Variants in PIWIL3 observed in about 807,000 individuals in gnomAD.
PIWIL3 encodes the protein piwi-like protein 3.
Under a neutral mutation model 109.7 loss-of-function variants are expected in PIWIL3, and 101 were observed. The ratio of observed to expected loss-of-function variants is 0.92; its 90% CI spans 0.78 to 1.09. The LOEUF is 1.09. PIWIL3 is among the 50% of genes least tolerant of loss of function. The pLI is 0.00. For missense variants in PIWIL3, 1,031 were observed against 1,072.6 expected (o/e 0.96, Z 0.54); for synonymous variants, 373 against 376.4 (o/e 0.99, Z 0.10).
At chr22:24,749,101 T>C in intron 11 of PIWIL3, 80 bp from the exon 12 acceptor site, 1 of 1,120,216 alleles carries the variant, frequency 8.9e-7, no homozygotes. Flanking sequence ...AATTTCCTTC[T>C]ATTCCAAGGT....
At chr22:24,761,341 G>C (rs1306724356) in intron 2 of PIWIL3, among the ~76,000 whole-genome samples, 1 of 152,180 alleles carries the variant, frequency 6.6e-6, no homozygotes, top group Admixed American at 6.5e-5. Context: ...GGGGTGGTCA[G>C]TGATGAAGGA....
chr22:24,737,619 G>C lies in PIWIL3; in HGVS notation c.1450-1727C>G, dbSNP rs942280022. On this transcript the variant is annotated intron_variant, in intron 12 of 20. Transcript: ENST00000616349. ...CCTTAGGTGCCATCTCAGCCACAGT[G>C]GGGTAGAGCATCAAGCAGGCTTTTG... 5.3e-5 allele frequency among the ~76,000 whole-genome samples: 8 copies of C among 152,290 alleles called. No individual in the cohort carries two copies. In the South Asian group the frequency reaches 1.4e-3, roughly 28 times the overall value.
chr22:24,765,791 A>G (rs1925752330), intron 1 of PIWIL3, among the ~76,000 whole-genome samples: 1 of 151,928 alleles, frequency 6.6e-6, no homozygotes. Flanking sequence ...GTCCAAAAAA[A>G]AAAAGGAAAA....
Position 24,734,075 on chromosome 22 carries a change from G to C in PIWIL3, c.1707+9C>G, listed in dbSNP as rs1290851013. ...TAAAAGATTGTACATGTATCAACTA[G>C]ACACTTACCATCTGCAGTGTTGGTC... is the stretch of plus-strand genomic sequence containing the variant. On this transcript the variant is annotated intron_variant, in intron 14 of 20. Coordinates refer to ENST00000616349, the MANE Select transcript of PIWIL3 (RefSeq NM_001255975.1). The C allele has an allele frequency of 6.2e-7, 1 of 1,605,904 alleles. No homozygotes were observed.
chr22:24,748,876 C>G, intron 12 of PIWIL3, 31 bp downstream of exon 12: 2 of 1,550,924 alleles, frequency 1.3e-6, no homozygotes, highest in Non-Finnish European at 1.8e-6. Flanking sequence ...TTTGACCCCA[C>G]CATGACATGA....
chr22:24,758,064 T>G (rs552644512), intron 3 of PIWIL3, 25 bp from the exon 4 acceptor site: 1 of 1,589,550 alleles, frequency 6.3e-7, no homozygotes, highest in East Asian at 2.2e-5. Flanking sequence ...ACGCCAGAAG[T>G]TTAAACAATA....
rs368623731 is a variant in PIWIL3, at chr22:24,773,505, G to A, written c.-23+817C>T. On this transcript the variant is annotated intron_variant, in intron 1 of 20. Coordinates refer to ENST00000616349, the MANE Select transcript of PIWIL3 (RefSeq NM_001255975.1). ...AAAATGGAAGCCTCTGCCACCATCT[G>A]CATCATCCCCATCAACCACAGGAGC... 5.9e-5 allele frequency among the ~76,000 whole-genome samples: 9 copies of A among 152,180 alleles called. No homozygotes were observed. The East Asian group carries it at 1.5e-3, about 26-fold the overall frequency.
chr22:24,723,350 TTAAGAAGAACA>T, intron 18 of PIWIL3, 95 bp from the exon 19 acceptor site: 1 of 1,314,996 alleles, frequency 7.6e-7, no homozygotes, highest in Non-Finnish European at 1.1e-6. Context: ...TTAGGACCCA[TTAAGAAGAACA>T]GACAGCAGCC....
At chr22:24,736,601 A>G (rs947698186) in intron 12 of PIWIL3, among the ~76,000 whole-genome samples, 2 of 152,196 alleles carry the variant, frequency 1.3e-5, no homozygotes, top group African/African-American at 2.4e-5. Flanking sequence ...CTATTTGTAC[A>G]AAGGGAGCAC....
chr22:24,739,830 C>T (rs1405630161), intron 12 of PIWIL3, among the ~76,000 whole-genome samples: 1 of 152,012 alleles, frequency 6.6e-6, no homozygotes, highest in Non-Finnish European at 1.5e-5. Flanking sequence ...GCGGGAGGAT[C>T]ATGAGGTCAG....
At position 24,751,513 on chromosome 22, in the gene PIWIL3, C is replaced by T. The variant is rs370623610; in HGVS notation, c.978-15G>A. 1.1e-5 allele frequency: 18 copies of T among 1,605,030 alleles called. No individual in the cohort carries two copies. In the African/African-American group the frequency reaches 2.2e-4, roughly 19 times the overall value. On this transcript the variant is annotated splice_polypyrimidine_tract_variant and intron_variant, in intron 8 of 20. Transcript: ENST00000616349. ...TGTTGTTGTATCTGTGGAATAATTA[C>T]AATATGGTATTATTTGACTTATTCA...
intron 4 of PIWIL3, 145 bp from the exon 5 acceptor site, chr22:24,756,850 C>T (rs925711128): frequency 1.5e-5 from 10 of 672,132 alleles, no homozygotes; most frequent in Middle Eastern, 4.1e-4. Context: ...GAGGCCAAGG[C>T]GGGTGGATCA....
chr22:24,757,615 T>TACATACACACACACAC (rs1555913039), intron 4 of PIWIL3, among the ~76,000 whole-genome samples: 1 of 79,472 alleles, frequency 1.3e-5, no homozygotes, highest in African/African-American at 4.8e-5. Context: ...AAAATTTACA[T>TACATACACACACACAC]ACACACACAC....
chr22:24,734,333 G>C (rs965572360), intron 13 of PIWIL3, among the ~76,000 whole-genome samples, 177 bp from the exon 14 acceptor site: 3 of 152,182 alleles, frequency 2.0e-5, no homozygotes, highest in African/African-American at 7.2e-5. Flanking sequence ...CTACTTGTAA[G>C]GAGCTTTGAC....
chr22:24,773,739 C>G (rs1414247274), intron 1 of PIWIL3, among the ~76,000 whole-genome samples: 1 of 35,106 alleles, frequency 2.8e-5, no homozygotes, highest in Admixed American at 2.7e-4. Flanking sequence ...AGATGGGAGT[C>G]TCACTCACTC....
intron 16 of PIWIL3, 35 bp from the exon 17 acceptor site, chr22:24,725,550 G>A (rs1395519463): frequency 1.1e-5 from 17 of 1,606,710 alleles, no homozygotes; most frequent in Non-Finnish European, 1.4e-5. Flanking sequence ...TGGAAAACAA[G>A]ATTCTTAAAA....
chr22:24,744,415 CA>C (rs900716918), intron 12 of PIWIL3, among the ~76,000 whole-genome samples: 6 of 151,026 alleles, frequency 4.0e-5, no homozygotes, highest in African/African-American at 1.2e-4. Flanking sequence ...ACTAAAAATA[CA>C]AAAAAAATTA....
rs375135458 is a variant in PIWIL3, at chr22:24,748,930, T to G, written c.1426A>C (p.Asn476His). Reference sequence around the variant, plus strand: ...ACCATTCTTCTGCCTTGCACGATGTTTGCGTTTTTCAAAACTCTTCCCGGG... The same window carrying G: ...ACCATTCTTCTGCCTTGCACGATGTGTGCGTTTTTCAAAACTCTTCCCGGG... The part of the protein sequence containing the change: ...SVPGRVLKNA[N>H]IVQGRRMVKA... The change falls in exon 12 of 21, where the codon AAC (asparagine) becomes CAC (histidine). Residue 476 changes from asparagine to histidine, a missense_variant. Asn to His is a moderately conservative substitution (Grantham distance 68). Transcript: ENST00000616349. 3.1e-6 allele frequency: 5 copies of G among 1,612,750 alleles called. No homozygotes were observed. Among genetic ancestry groups the G allele is most frequent in the Non-Finnish European group, 4.2e-6 (5 of 1,179,238 alleles).
At chr22:24,735,149 A>C (rs1923588080) in intron 13 of PIWIL3, among the ~76,000 whole-genome samples, 1 of 152,200 alleles carries the variant, frequency 6.6e-6, no homozygotes, top group Non-Finnish European at 1.5e-5. Flanking sequence ...GAAGACTTTT[A>C]GGGCAGTGAA....
Sources: gnomAD v4.1 joint callset for allele counts (sites outside exome capture counted in the v4.1 genomes callset) on GRCh38, gnomAD v4.1.1 for gene constraint, MANE v1.5 for transcripts, NCBI Gene and HGNC (gene_info 2026-07-23, HGNC 2026-07-21) for gene names.